The following SEMA3E variants were observed in gnomAD, a reference collection of about 807,000 sequenced individuals.
SEMA3E encodes the protein semaphorin 3E.
In SEMA3E, 49 loss-of-function variants were observed where a neutral mutation model predicts 93.6. The ratio of observed to expected loss-of-function variants is 0.52; its 90% CI spans 0.42 to 0.66. The LOEUF is 0.66. Among genes scored for constraint, SEMA3E ranks in the 30% least tolerant of loss-of-function variants. The pLI is 0.00. For synonymous variants in SEMA3E, 363 were observed against 330.7 expected, an observed-to-expected ratio of 1.10 and a Z score of -1.06; for missense variants, 906 against 964.8, an observed-to-expected ratio of 0.94 and a Z score of 0.81.
chr7:83,646,689 A>G (rs912486557), intron 1 of SEMA3E, among the ~76,000 whole-genome samples: 2 of 152,108 alleles, frequency 1.3e-5, no homozygotes, highest in Admixed American at 6.6e-5. Context: ...ATTTCTTTGA[A>G]TATAAGTGAC....
intron 4 of SEMA3E, among the ~76,000 whole-genome samples, chr7:83,459,462 C>A (rs557040676): frequency 6.6e-6 from 1 of 152,172 alleles, no homozygotes; most frequent in Non-Finnish European, 1.5e-5. Context: ...TATATACATA[C>A]ACACGTATAT....
chr7:83,458,955 G>A (rs1183811288), intron 4 of SEMA3E, among the ~76,000 whole-genome samples: 1 of 64,986 alleles, frequency 1.5e-5, no homozygotes, highest in Non-Finnish European at 3.4e-5. Flanking sequence ...ATATGTATAT[G>A]TGTGTGTGTG....
intron 4 of SEMA3E, among the ~76,000 whole-genome samples, chr7:83,428,596 G>C (rs997147187): frequency 3.3e-5 from 5 of 151,742 alleles, no homozygotes; most frequent in African/African-American, 1.2e-4. Flanking sequence ...TGTTTCTCCT[G>C]CCAAGCAATA....
rs1016543290 is a variant in SEMA3E at position 83,548,517 on chromosome 7, TC to T, written c.116-58244del. 2.3e-4 allele frequency among the ~76,000 whole-genome samples: 35 copies of T among 152,098 alleles called. 1 individual carries two copies. The highest frequency in any genetic ancestry group is 2.0e-4 in the Admixed American group (3 of 15,210). On this transcript the variant is annotated intron_variant, in intron 1 of 16. Coordinates refer to ENST00000643230, the MANE Select transcript of SEMA3E (RefSeq NM_012431.3). ...GTCGTGTGCATTATTGAGATTTTTT[TC>T]CCTCTCTAGAGAGTCTAGAGATCTT...
chr7:83,492,374 G>A (rs1179574571), intron 1 of SEMA3E, among the ~76,000 whole-genome samples: 1 of 151,882 alleles, frequency 6.6e-6, no homozygotes, highest in East Asian at 1.9e-4. Flanking sequence ...CACGCACATG[G>A]CAAGATAGAC....
At chr7:83,608,219 A>T (rs955929623) in intron 1 of SEMA3E, among the ~76,000 whole-genome samples, 10 of 152,098 alleles carry the variant, frequency 6.6e-5, no homozygotes, top group African/African-American at 1.9e-4. Flanking sequence ...TCTCAAAAAA[A>T]AGAAAAAAAA....
At chr7:83,418,033 A>G (rs1351063029) in intron 5 of SEMA3E, among the ~76,000 whole-genome samples, 1 of 152,194 alleles carries the variant, frequency 6.6e-6, no homozygotes, top group Non-Finnish European at 1.5e-5. Context: ...AAATAATTGA[A>G]ACATGAAGAA....
At chr7:83,371,465 CA>C (rs1339006371) in intron 16 of SEMA3E, 2 of 152,096 alleles carry the variant, frequency 1.3e-5, no homozygotes, top group Non-Finnish European at 2.9e-5. Context: ...ACAAAACACA[CA>C]GTAAATAAAC....
At chr7:83,556,907 T>C (rs532288818) in intron 1 of SEMA3E, among the ~76,000 whole-genome samples, 1 of 152,270 alleles carries the variant, frequency 6.6e-6, no homozygotes, top group South Asian at 2.1e-4. Context: ...ACCTTGGACT[T>C]GTGAGGACAC....
In SEMA3E at chr7:83,363,328, C is replaced by A. The variant is rs953730919; in HGVS notation, c.*4258G>T. 2.6e-5 allele frequency: 4 copies of A among 152,140 alleles called. No homozygotes were observed. Among genetic ancestry groups the A allele is most frequent in the Non-Finnish European group, 4.4e-5 (3 of 68,028 alleles). The allele number at this position is 152,140 out of a possible 1,614,324, so 9.4% of individuals were successfully genotyped here. ...TGGTACATAGCGCGTAGTGGCAGAT[C>A]CACGTTGTAGTCAAAGAGACACACT... is the stretch of plus-strand genomic sequence containing the variant. On this transcript the variant is annotated 3_prime_UTR_variant, in exon 17 of 17. Coordinates refer to ENST00000643230, the MANE Select transcript of SEMA3E (RefSeq NM_012431.3).
intron 4 of SEMA3E, among the ~76,000 whole-genome samples, chr7:83,465,444 T>G (rs1789733993): frequency 6.6e-6 from 1 of 152,174 alleles, no homozygotes; most frequent in South Asian, 2.1e-4. Context: ...AAGCACGGGC[T>G]CTCTCCAGGG....
intron 1 of SEMA3E, among the ~76,000 whole-genome samples, chr7:83,541,490 T>TTA (rs1381302361): frequency 7.1e-6 from 1 of 141,580 alleles, no homozygotes; most frequent in Non-Finnish European, 1.6e-5. Flanking sequence ...ACTGGGAGCC[T>TTA]CACTCTCTGT....
intron 1 of SEMA3E, among the ~76,000 whole-genome samples, chr7:83,519,088 A>G (rs1017246869): frequency 2.6e-5 from 4 of 151,962 alleles, no homozygotes; most frequent in Admixed American, 6.6e-5. Context: ...GTCATTTAGC[A>G]TTAGGTATAT....
Position 83,629,815 on chromosome 7 carries a change from G to A in SEMA3E, c.115+18613C>T, listed in dbSNP as rs556530452. 6.6e-5 allele frequency among the ~76,000 whole-genome samples: 10 copies of A among 152,192 alleles called. No homozygotes were observed. In the South Asian group the frequency reaches 8.3e-4, roughly 13 times the overall value. ...GAGCGAACGGATCTGCCTCACTGGCGTTCCAGGCACCACTGGGGTATGAAA... is the reference window on the plus strand; with the variant it reads ...GAGCGAACGGATCTGCCTCACTGGCATTCCAGGCACCACTGGGGTATGAAA... On this transcript the variant is annotated intron_variant, in intron 1 of 16. Coordinates refer to ENST00000643230, the MANE Select transcript of SEMA3E (RefSeq NM_012431.3).
chr7:83,526,962 C>A (rs1313754716), intron 1 of SEMA3E, among the ~76,000 whole-genome samples: 3 of 150,592 alleles, frequency 2.0e-5, no homozygotes, highest in Admixed American at 1.3e-4. Context: ...CAACCCCCAG[C>A]TTTGCGAGTG....
rs561517985 is a variant in SEMA3E, at chr7:83,539,071, C to A, written c.116-48797G>T. Among the ~76,000 whole-genome samples, 7 of 151,690 alleles carry A rather than the reference C, an allele frequency of 4.6e-5. No individual in the cohort carries two copies. The East Asian group carries it at 1.4e-3, about 29-fold the overall frequency. On this transcript the variant is annotated intron_variant, in intron 1 of 16. Coordinates refer to ENST00000643230, the MANE Select transcript of SEMA3E (RefSeq NM_012431.3). ...TGGGTAGGTGGGGCTTTTCAGTTTA[C>A]AGACCCACAGAATGGTTTTGTTTGG...
At chr7:83,556,072 T>C (rs1791880815) in intron 1 of SEMA3E, among the ~76,000 whole-genome samples, 1 of 152,156 alleles carries the variant, frequency 6.6e-6, no homozygotes, top group African/African-American at 2.4e-5. Context: ...ACAGGAAATG[T>C]TCATAAACAT....
Position 83,622,765 on chromosome 7 carries a change from G to A in SEMA3E, c.115+25663C>T, listed in dbSNP as rs993582780. On this transcript the variant is annotated intron_variant, in intron 1 of 16. Coordinates refer to ENST00000643230, the MANE Select transcript of SEMA3E (RefSeq NM_012431.3). ...AAGCACAGCGTGTTCTCACTTATAA[G>A]TGGGAACTGAAAGATGAGAACACAT... Among the ~76,000 whole-genome samples the A allele has an allele frequency of 5.9e-5, 9 of 152,304 alleles. No individual in the cohort carries two copies. In the South Asian group the frequency reaches 1.7e-3, roughly 28 times the overall value.
intron 4 of SEMA3E, among the ~76,000 whole-genome samples, chr7:83,465,781 A>T (rs1360831888): frequency 6.6e-6 from 1 of 152,322 alleles, no homozygotes; most frequent in East Asian, 1.9e-4. Flanking sequence ...ATTGTGATAT[A>T]GAGTGCTTCA....
Sources: allele counts gnomAD v4.1 joint callset (sites outside exome capture counted in the v4.1 genomes callset), GRCh38; gene constraint gnomAD v4.1.1; transcripts MANE v1.5; gene names NCBI Gene and HGNC (gene_info 2026-07-23, HGNC 2026-07-21).